Variants in ARHGAP35 observed in about 807,000 individuals in gnomAD.
ARHGAP35 encodes the protein rho GTPase-activating protein 35.
A neutral mutation model predicts 111.1 loss-of-function variants in ARHGAP35; 15 were observed. That is an observed-to-expected ratio of 0.13 (90% CI 0.09 to 0.21). The LOEUF is 0.21. Among genes scored for constraint, ARHGAP35 ranks in the 10% least tolerant of loss-of-function variants. The pLI, the probability that ARHGAP35 is intolerant of heterozygous loss-of-function variation, is 1.00. For synonymous variants in ARHGAP35, 643 were observed against 710.3 expected (o/e 0.91, Z 1.51); for missense variants, 1,262 against 1,873.0 (o/e 0.67, Z 6.02).
intron 1 of ARHGAP35, among the ~76,000 whole-genome samples, chr19:46,904,792 C>T (rs2056097344): frequency 6.6e-6 from 1 of 152,172 alleles, no homozygotes; most frequent in African/African-American, 2.4e-5. Flanking sequence ...CCTGACCAAG[C>T]CATTCTTGCT....
intron 3 of ARHGAP35, among the ~76,000 whole-genome samples, chr19:46,972,444 G>T (rs2122296126): frequency 6.6e-6 from 1 of 152,370 alleles, no homozygotes; most frequent in East Asian, 1.9e-4. Flanking sequence ...TCCTACAGCT[G>T]CTGGTGAACT....
At chr19:46,987,445 C>A (rs2056657129) in intron 3 of ARHGAP35, among the ~76,000 whole-genome samples, 2 of 150,942 alleles carry the variant, frequency 1.3e-5, no homozygotes, top group African/African-American at 2.4e-5. Flanking sequence ...GAACTCCTGA[C>A]CTCAAGTGAT....
At chr19:46,967,606 C>T (rs1475234393) in intron 3 of ARHGAP35, among the ~76,000 whole-genome samples, 1 of 152,192 alleles carries the variant, frequency 6.6e-6, no homozygotes, top group Non-Finnish European at 1.5e-5. Context: ...ATCACTTCAT[C>T]TTCACCTGCT....
At chr19:46,957,128 A>G (rs1162109844) in intron 3 of ARHGAP35, among the ~76,000 whole-genome samples, 1 of 151,352 alleles carries the variant, frequency 6.6e-6, no homozygotes, top group Non-Finnish European at 1.5e-5. Context: ...CGCCCAACTA[A>G]TTTTTTGTAT....
At chr19:46,875,294 A>G (rs1310686657) in intron 1 of ARHGAP35, among the ~76,000 whole-genome samples, 2 of 152,316 alleles carry the variant, frequency 1.3e-5, no homozygotes, top group African/African-American at 4.8e-5. Flanking sequence ...CATCAGGAAG[A>G]AATTGCAAAA....
chr19:46,915,067 G>A (rs760717815), intron 1 of ARHGAP35, among the ~76,000 whole-genome samples: 2 of 152,178 alleles, frequency 1.3e-5, no homozygotes, highest in Admixed American at 6.5e-5. Context: ...CTGAGGCTCT[G>A]TTCAACCTAA....
rs1390613218 is a variant in ARHGAP35 at position 47,003,243 on chromosome 19, G to A, written c.*2555G>A. The A allele has an allele frequency of 6.6e-6, 1 of 152,326 alleles. No individual in the cohort carries two copies. The highest frequency in any genetic ancestry group is 1.5e-5 in the Non-Finnish European group (1 of 68,140). 9.4% of individuals were successfully genotyped at this position (152,326 alleles called of 1,614,324 possible). A position where few individuals can be genotyped will look rare whatever the true frequency, so the allele number is the denominator to read the frequency against. On this transcript the variant is annotated 3_prime_UTR_variant, in exon 7 of 7. Transcript: ENST00000672722. ...GGGAGCCACAGAGGAGCGTCCCTGGGGATTGTTGGGACCATGCTGCCCCCA... is the reference window on the plus strand; with the variant it reads ...GGGAGCCACAGAGGAGCGTCCCTGGAGATTGTTGGGACCATGCTGCCCCCA...
chr19:46,891,441 T>G (rs996783062), intron 1 of ARHGAP35, among the ~76,000 whole-genome samples: 5 of 151,812 alleles, frequency 3.3e-5, no homozygotes, highest in African/African-American at 1.2e-4. Context: ...TTTGTTTTTT[T>G]TTTTTAGATG....
chr19:46,871,848 C>T (rs528234111), intron 1 of ARHGAP35, among the ~76,000 whole-genome samples: 3 of 151,718 alleles, frequency 2.0e-5, no homozygotes, highest in South Asian at 2.1e-4. Context: ...GGCATGGTGG[C>T]GGGTGCCTGT....
intron 2 of ARHGAP35, among the ~76,000 whole-genome samples, chr19:46,929,562 A>G (rs1405577587): frequency 6.8e-6 from 1 of 148,096 alleles, no homozygotes; most frequent in Non-Finnish European, 1.5e-5. Context: ...GTTCCAGACT[A>G]CATTCCGTAT....
At chr19:46,929,601 T>A (rs1195299667) in intron 2 of ARHGAP35, among the ~76,000 whole-genome samples, 1 of 148,730 alleles carries the variant, frequency 6.7e-6, no homozygotes, top group Non-Finnish European at 1.5e-5. Context: ...CTTTTTTTTT[T>A]TTTTTTTTTT....
intron 1 of ARHGAP35, among the ~76,000 whole-genome samples, chr19:46,877,028 T>A (rs1785649175): frequency 6.6e-6 from 1 of 151,094 alleles, no homozygotes; most frequent in Non-Finnish European, 1.5e-5. Flanking sequence ...GGCGGGTGGA[T>A]CACCTCAGGT....
At chr19:46,970,897 C>G (rs767247057) in intron 3 of ARHGAP35, among the ~76,000 whole-genome samples, 1 of 152,168 alleles carries the variant, frequency 6.6e-6, no homozygotes, top group Non-Finnish European at 1.5e-5. Flanking sequence ...TGCATAGCTT[C>G]CCTGTGAGTC....
At chr19:46,882,016 G>C (rs1298557925) in intron 1 of ARHGAP35, among the ~76,000 whole-genome samples, 2 of 152,076 alleles carry the variant, frequency 1.3e-5, no homozygotes. Flanking sequence ...TAGCTTCCTC[G>C]CCTCTCTCAG....
chr19:46,996,546 C>T (rs754971911), intron 5 of ARHGAP35, among the ~76,000 whole-genome samples: 72 of 152,100 alleles, frequency 4.7e-4, no homozygotes, highest in African/African-American at 1.7e-3. Context: ...TTGCCAGCCC[C>T]GTTTCCTGCC....
At chr19:46,963,689 C>T (rs976121321) in intron 3 of ARHGAP35, among the ~76,000 whole-genome samples, 2 of 151,978 alleles carry the variant, frequency 1.3e-5, no homozygotes, top group Non-Finnish European at 2.9e-5. Flanking sequence ...ATCTTGTCTC[C>T]CTGTCACCTC....
chr19:46,879,325 A>C (rs2055944710), intron 1 of ARHGAP35, among the ~76,000 whole-genome samples: 1 of 152,020 alleles, frequency 6.6e-6, no homozygotes, highest in Non-Finnish European at 1.5e-5. Context: ...GCAGTGGCTC[A>C]CACCTATAAT....
chr19:46,913,796 C>A (rs1408888239), intron 1 of ARHGAP35, among the ~76,000 whole-genome samples: 1 of 152,178 alleles, frequency 6.6e-6, no homozygotes, highest in Non-Finnish European at 1.5e-5. Context: ...TTTAACTCTT[C>A]CATTTAAAAA....
rs945010854 is a variant in ARHGAP35 at position 47,000,699 on chromosome 19, C to T, written c.*11C>T. The stretch of plus-strand genomic sequence containing the variant: ...GAACACACGCTGTGAGCCACCAAGA[C>T]CTGGGGCGACAGGAGAACCGGTCCT... On this transcript the variant is annotated 3_prime_UTR_variant, in exon 7 of 7. Coordinates refer to ENST00000672722, the MANE Select transcript of ARHGAP35 (RefSeq NM_004491.5). This position sits in a 1 kb window ranked among gnomAD's most constrained non-coding sequence, Gnocchi z 6.9. 3.2e-6 allele frequency: 5 copies of T among 1,557,794 alleles called. No homozygotes were observed. Among genetic ancestry groups the T allele is most frequent in the Non-Finnish European group, 1.7e-6 (2 of 1,150,962 alleles).
Sources: gnomAD v4.1 joint callset for allele counts (sites outside exome capture counted in the v4.1 genomes callset) on GRCh38, gnomAD v4.1.1 for gene constraint, Gnocchi (gnomAD v3.1) non-coding constraint, MANE v1.5 for transcripts, NCBI Gene and HGNC (gene_info 2026-07-23, HGNC 2026-07-21) for gene names.